Variants in FBN3 observed in about 807,000 individuals in gnomAD.
FBN3 encodes the protein fibrillin-3.
Under a neutral mutation model 330.1 loss-of-function variants are expected in FBN3, and 234 were observed. The ratio of observed to expected loss-of-function variants is 0.71; its 90% CI spans 0.64 to 0.79. The LOEUF (loss-of-function observed/expected upper bound fraction) is 0.79, where lower values mean the gene tolerates loss of function less well. Ranked by LOEUF, FBN3 falls within the 30% of genes least tolerant of loss-of-function variation. The pLI is 0.00. For synonymous variants in FBN3, 1,458 were observed against 1,517.3 expected (o/e 0.96, Z 0.91); for missense variants, 3,606 against 3,886.9 (o/e 0.93, Z 1.92).
At position 8,116,538 on chromosome 19, in the gene FBN3, T is replaced by C. The variant is rs917317535; in HGVS notation, c.3712+136A>G. On this transcript the variant is annotated intron_variant, in intron 29 of 63. Transcript: ENST00000600128. ...GAGAAGCAAGTGCTGTTACAAAGCC[T>C]CATCTTCCTACCTGCGAATGGCAGG... 1.4e-5 allele frequency: 13 copies of C among 922,836 alleles called. No individual in the cohort carries two copies. The South Asian group carries it at 1.7e-4, about 12-fold the overall frequency. 57.2% of individuals were successfully genotyped at this position (922,836 alleles called of 1,614,324 possible).
At chr19:8,110,200 T>C (rs1297375357) in intron 34 of FBN3, among the ~76,000 whole-genome samples, 2 of 152,000 alleles carry the variant, frequency 1.3e-5, no homozygotes, top group African/African-American at 4.8e-5. Flanking sequence ...GGACTACAGG[T>C]GTGCACCACA....
At chr19:8,118,211 A>G (rs1457028100) in intron 26 of FBN3, among the ~76,000 whole-genome samples, 1 of 152,152 alleles carries the variant, frequency 6.6e-6, no homozygotes, top group East Asian at 1.9e-4. Flanking sequence ...CCACTCACAC[A>G]CAAACACACC....
intron 36 of FBN3, among the ~76,000 whole-genome samples, chr19:8,108,669 C>A (rs1025832881): frequency 1.3e-5 from 2 of 152,044 alleles, no homozygotes; most frequent in African/African-American, 2.4e-5. Flanking sequence ...ACACCTGAGG[C>A]CTTTGCACAT....
At position 8,089,522 on chromosome 19, in the gene FBN3, C is replaced by G. The variant is rs189497271; in HGVS notation, c.6376+23G>C. The G allele has an allele frequency of 8.1e-6, 13 of 1,613,430 alleles. No individual in the cohort carries two copies. The Admixed American group carries it at 1.3e-4, about 17-fold the overall frequency. ...GTCCTGGGAGGGGCCTGGGACAGAG[C>G]TGGGGAAGGGCTGGCCACTCACCCA... is the stretch of plus-strand genomic sequence containing the variant. On this transcript the variant is annotated intron_variant, in intron 51 of 63. Transcript: ENST00000600128.
intron 41 of FBN3, 66 bp from the exon 42 acceptor site, chr19:8,097,480 G>C: frequency 6.6e-7 from 1 of 1,518,446 alleles, no homozygotes; most frequent in Non-Finnish European, 8.9e-7. Context: ...GCTGAGCGAA[G>C]GGACCCACTA....
At chr19:8,126,256 C>G in intron 21 of FBN3, 41 bp downstream of exon 21, 1 of 1,571,014 alleles carries the variant, frequency 6.4e-7, no homozygotes, top group South Asian at 1.2e-5. Flanking sequence ...TGTGTGCGGG[C>G]TCTGGAGTAG....
intron 26 of FBN3, 95 bp from the exon 27 acceptor site, chr19:8,117,684 C>A (rs1481908808): frequency 1.4e-6 from 2 of 1,385,128 alleles, no homozygotes; most frequent in Admixed American, 5.2e-5. Context: ...TGCTAAGGAG[C>A]TCACACTGCC....
rs758690323 is a variant in FBN3 at position 8,129,101 on chromosome 19, C to T, written c.2223G>A (p.Gln741=). ...AGCAGCTGTAGCTGCCAGGGCTATT[C>T]TGGCACCACCCGTTGTCACACAGGA... The part of the protein sequence containing the change: ...NSLLCDNGWC[Q]NSPGSYSCSC... The change falls in exon 18 of 64, where the codon CAG becomes CAA. Residue 741 remains glutamine, a synonymous_variant. Coordinates refer to ENST00000600128, the MANE Select transcript of FBN3 (RefSeq NM_032447.5). This position sits in a 1 kb window ranked among gnomAD's most constrained non-coding sequence, Gnocchi z 4.5. 1 of 1,613,178 alleles carries T rather than the reference C, an allele frequency of 6.2e-7. No homozygotes were observed. The highest frequency in any genetic ancestry group is 8.5e-7 in the Non-Finnish European group (1 of 1,180,012).
At position 8,138,171 on chromosome 19, in the gene FBN3, G is replaced by A; in HGVS notation, c.1171C>T (p.Pro391Ser). The change falls in exon 10 of 64, where the codon CCC (proline) becomes TCC (serine). Residue 391 changes from proline (P) to serine (S), a missense_variant. Pro to Ser is a moderately conservative substitution (Grantham distance 74). Coordinates refer to ENST00000600128, the MANE Select transcript of FBN3 (RefSeq NM_032447.5). ...NPHGSDARGI[P>S]SLGPGNSNIG... is the part of the protein sequence containing the mutation. ...TTAGAGTTGCCAGGGCCCAGGCTGGGGATCCCACGCGCATCAGAGCCATGG... is the reference window on the plus strand; with the variant it reads ...TTAGAGTTGCCAGGGCCCAGGCTGGAGATCCCACGCGCATCAGAGCCATGG... The A allele has an allele frequency of 6.2e-7, 1 of 1,612,286 alleles. No individual in the cohort carries two copies. The highest frequency in any genetic ancestry group is 8.5e-7 in the Non-Finnish European group (1 of 1,179,398).
chr19:8,144,976 T>C lies in FBN3; in HGVS notation c.446-4A>G. On this transcript the variant is annotated splice_polypyrimidine_tract_variant and splice_region_variant and intron_variant, in intron 5 of 63. Transcript: ENST00000600128. ...TGGCAGCCGCGGTCACAGATGGCTG[T>C]GGAGGAGAGAGGGTGATGGCTGGAG... 2 of 1,606,954 alleles carry C rather than the reference T, an allele frequency of 1.2e-6. No homozygotes were observed. The highest frequency in any genetic ancestry group is 2.2e-5 in the South Asian group (2 of 89,260).
chr19:8,143,722 G>A (rs1030957319), intron 6 of FBN3, among the ~76,000 whole-genome samples: 2 of 151,462 alleles, frequency 1.3e-5, no homozygotes, highest in East Asian at 1.9e-4. Flanking sequence ...CAAACTCCTG[G>A]CCTCGAGTGA....
intron 6 of FBN3, among the ~76,000 whole-genome samples, chr19:8,143,996 G>T (rs574538379): frequency 6.6e-6 from 1 of 151,698 alleles, no homozygotes; most frequent in African/African-American, 2.4e-5. Flanking sequence ...TTTAGAGAGG[G>T]GGGGTGTCTC....
intron 37 of FBN3, among the ~76,000 whole-genome samples, chr19:8,106,490 G>A (rs2082440866): frequency 2.0e-5 from 3 of 152,216 alleles, no homozygotes; most frequent in Admixed American, 2.0e-4. Context: ...TCTAGATAGA[G>A]AAATAGATAG....
chr19:8,069,123 C>T (rs1390133496), intron 63 of FBN3, among the ~76,000 whole-genome samples: 1 of 152,124 alleles, frequency 6.6e-6, no homozygotes. Context: ...AACGGGATGC[C>T]AAGCAGGGCT....
rs540604075 is a variant in FBN3 at position 8,097,178 on chromosome 19, T to C, written c.5287+111A>G. 1.8e-3 allele frequency: 2,735 copies of C among 1,484,394 alleles called. 3 individuals carry two copies. Among genetic ancestry groups the C allele is most frequent in the Non-Finnish European group, 2.3e-3 (2,490 of 1,096,636 alleles). The allele number at this position is 1,484,394 out of a possible 1,614,324, so 92.0% of individuals were successfully genotyped here. Reference sequence around the variant, plus strand: ...CCCTTGGAAAGGTGTTAGCCCATTATACATACAGGGAAATGGAGGCTTACA... The same window carrying C: ...CCCTTGGAAAGGTGTTAGCCCATTACACATACAGGGAAATGGAGGCTTACA... On this transcript the variant is annotated intron_variant, in intron 42 of 63. Coordinates refer to ENST00000600128, the MANE Select transcript of FBN3 (RefSeq NM_032447.5).
At chr19:8,068,495 G>A (rs1240312806) in intron 63 of FBN3, among the ~76,000 whole-genome samples, 3 of 151,756 alleles carry the variant, frequency 2.0e-5, no homozygotes, top group African/African-American at 7.3e-5. Flanking sequence ...CCAGGAGTTT[G>A]AGACCAGCCT....
chr19:8,148,202 C>T (rs1033958767), intron 1 of FBN3, among the ~76,000 whole-genome samples: 11 of 152,140 alleles, frequency 7.2e-5, no homozygotes, highest in African/African-American at 2.4e-4. Flanking sequence ...CCACATCCCA[C>T]GCCGGTCTTG....
chr19:8,096,571 T>C lies in FBN3; in HGVS notation c.5414-2A>G. On this transcript the variant is annotated splice_acceptor_variant, in intron 43 of 63. Transcript: ENST00000600128. LOFTEE classifies it high-confidence loss of function. The surrounding 1 kb of genome is among the most constrained non-coding windows in gnomAD (Gnocchi z 4.6). Reference sequence around the variant, plus strand: ...GGATCTCCCGACACTCATTCCGTCCTGGGGGTGCAGAGAGCATGGTGTTCC... The same window carrying C: ...GGATCTCCCGACACTCATTCCGTCCCGGGGGTGCAGAGAGCATGGTGTTCC... 6.2e-7 allele frequency: 1 copy of C among 1,609,314 alleles called. No individual in the cohort carries two copies. The highest frequency in any genetic ancestry group is 8.5e-7 in the Non-Finnish European group (1 of 1,178,172).
At chr19:8,072,425 GGAGT>G (rs1449715026) in intron 62 of FBN3, among the ~76,000 whole-genome samples, 1 of 152,200 alleles carries the variant, frequency 6.6e-6, no homozygotes, top group African/African-American at 2.4e-5. Context: ...TGTGAACACA[GGAGT>G]GAGAGGACGT....
Sources: gnomAD v4.1 joint callset for allele counts (sites outside exome capture counted in the v4.1 genomes callset) on GRCh38, gnomAD v4.1.1 for gene constraint, Gnocchi (gnomAD v3.1) non-coding constraint, MANE v1.5 for transcripts, NCBI Gene and HGNC (gene_info 2026-07-23, HGNC 2026-07-21) for gene names.